The following SH3D19 variants were observed in gnomAD, a reference collection of about 807,000 sequenced individuals.
SH3D19 encodes SH3 domain containing 19, also known as SH3 domain-containing protein 19.
A neutral mutation model predicts 112.1 loss-of-function variants in SH3D19; 58 were observed. The observed-to-expected ratio is 0.52, with a 90% CI of 0.42 to 0.64. The LOEUF (loss-of-function observed/expected upper bound fraction) is 0.64. SH3D19 is among the 30% of genes least tolerant of loss of function. The probability of loss-of-function intolerance (pLI) is 0.00; values close to 1 mark genes in which losing one functional copy is unlikely to be tolerated. For synonymous variants in SH3D19, 391 were observed against 448.5 expected, an observed-to-expected ratio of 0.87 and a Z score of 1.62; for missense variants, 1,090 against 1,263.4, an observed-to-expected ratio of 0.86 and a Z score of 2.08.
At chr4:151,290,110 A>AT (rs1224028225) in intron 1 of SH3D19, among the ~76,000 whole-genome samples, 2 of 152,056 alleles carry the variant, frequency 1.3e-5, no homozygotes, top group South Asian at 2.1e-4. Flanking sequence ...CATAGCAGCT[A>AT]TTTACTTATT....
intron 11 of SH3D19, among the ~76,000 whole-genome samples, chr4:151,147,481 T>G (rs1754135006): frequency 6.6e-6 from 1 of 152,128 alleles, no homozygotes; most frequent in Non-Finnish European, 1.5e-5. Context: ...TTGTTTGCTT[T>G]GAGACAGTCT....
At chr4:151,218,626 C>T (rs1467107953) in intron 2 of SH3D19, among the ~76,000 whole-genome samples, 1 of 152,154 alleles carries the variant, frequency 6.6e-6, no homozygotes, top group East Asian at 1.9e-4. Context: ...AATCCTATCT[C>T]TTAGCTTAAG....
rs1298612721 is a variant in SH3D19 at position 151,128,253 on chromosome 4, TC to T, written c.2845del (p.Glu949AsnfsTer24). On this transcript the variant is annotated frameshift_variant, in exon 18 of 20. Coordinates refer to ENST00000604030, the MANE Select transcript of SH3D19 (RefSeq NM_001378122.1). LOFTEE classifies it high-confidence loss of function. ...FKRGDRIQILERLDSDWCRGR... is the reference protein window; with the variant it reads ...FKRGDRIQILXRLDSDWCRGR... ...CCTGCACCAGTCAGAATCCAGACGT[TC>T]CAGAATCTGGATCCGGTCTCCCCTC... 1 of 1,614,070 alleles carries T rather than the reference TC, an allele frequency of 6.2e-7. No homozygotes were observed. The highest frequency in any genetic ancestry group is 8.5e-7 in the Non-Finnish European group (1 of 1,180,030).
intron 1 of SH3D19, among the ~76,000 whole-genome samples, chr4:151,305,489 A>T (rs1360770371): frequency 6.6e-6 from 1 of 152,244 alleles, no homozygotes; most frequent in East Asian, 1.9e-4. Flanking sequence ...CCCAATTTTT[A>T]AATGTGCAAA....
intron 17 of SH3D19, among the ~76,000 whole-genome samples, chr4:151,131,913 C>T (rs1231896011): frequency 1.3e-5 from 2 of 152,134 alleles, no homozygotes; most frequent in Non-Finnish European, 2.9e-5. Flanking sequence ...CAACCTCCAC[C>T]GCCAGGTTCA....
At chr4:151,311,098 G>A (rs905019728) in intron 1 of SH3D19, among the ~76,000 whole-genome samples, 36 of 148,088 alleles carry the variant, frequency 2.4e-4, no homozygotes, top group African/African-American at 9.3e-4. Context: ...ATCTCTTTGA[G>A]ATAGGGAGAT....
At position 151,149,753 on chromosome 4, in the gene SH3D19, C is replaced by A. The variant is rs372051461; in HGVS notation, c.1756-192G>T. 3.3e-5 allele frequency among the ~76,000 whole-genome samples: 5 copies of A among 152,242 alleles called. No homozygotes were observed. In the East Asian group the frequency reaches 9.7e-4, roughly 29 times the overall value. ...GCCTAAATTATTCATGTCCTAATAA[C>A]AAGTGAAAACACTGACAGGAAGAAA... On this transcript the variant is annotated intron_variant, in intron 9 of 19. Transcript: ENST00000604030.
At chr4:151,234,905 G>A (rs374963867) in intron 1 of SH3D19, among the ~76,000 whole-genome samples, 46 of 151,530 alleles carry the variant, frequency 3.0e-4, no homozygotes, top group African/African-American at 1.0e-3. Flanking sequence ...CATCACACCC[G>A]GGTAATTAAA....
At chr4:151,261,209 T>TA (rs1406490308) in intron 1 of SH3D19, 1 of 152,224 alleles carries the variant, frequency 6.6e-6, no homozygotes, top group African/African-American at 2.4e-5. Context: ...TGGGCTCTGC[T>TA]ATGATGACCC....
chr4:151,317,273 C>T (rs560848100), intron 1 of SH3D19, among the ~76,000 whole-genome samples: 39 of 152,342 alleles, frequency 2.6e-4, no homozygotes, highest in African/African-American at 9.1e-4. Flanking sequence ...TTTTTCTGCT[C>T]ATCTCCTAAT....
At chr4:151,302,611 T>G (rs1265690053) in intron 1 of SH3D19, among the ~76,000 whole-genome samples, 1 of 152,154 alleles carries the variant, frequency 6.6e-6, no homozygotes, top group East Asian at 1.9e-4. Flanking sequence ...ACTCTGCAGA[T>G]GTAGGAAAAA....
At chr4:151,250,413 T>C (rs568329748) in intron 1 of SH3D19, among the ~76,000 whole-genome samples, 2 of 152,138 alleles carry the variant, frequency 1.3e-5, no homozygotes, top group South Asian at 2.1e-4. Flanking sequence ...GTGATGAAAA[T>C]ATATACATAT....
intron 17 of SH3D19, among the ~76,000 whole-genome samples, chr4:151,130,966 G>A (rs986210349): frequency 5.9e-5 from 9 of 151,262 alleles, no homozygotes; most frequent in African/African-American, 2.2e-4. Context: ...AAAAAGAAGT[G>A]GGGGAAAAAA....
At chr4:151,323,079 A>C (rs375122929) in intron 1 of SH3D19, among the ~76,000 whole-genome samples, 70 of 152,306 alleles carry the variant, frequency 4.6e-4, no homozygotes, top group African/African-American at 1.6e-3. Context: ...AAGAGTTTTT[A>C]CTTTATAATT....
intron 1 of SH3D19, among the ~76,000 whole-genome samples, chr4:151,244,346 T>C (rs1770779375): frequency 6.6e-6 from 1 of 152,204 alleles, no homozygotes; most frequent in Non-Finnish European, 1.5e-5. Context: ...AGAGAAATTG[T>C]TCAAATGTTG....
intron 2 of SH3D19, among the ~76,000 whole-genome samples, chr4:151,198,385 T>C (rs4997910): frequency 7.2e-4 from 52 of 72,360 alleles, no homozygotes; most frequent in African/African-American, 1.7e-3. Context: ...AATTATATAA[T>C]ATATAATATA....
At position 151,184,938 on chromosome 4, in the gene SH3D19, C is replaced by A. The variant is rs529986245; in HGVS notation, c.193+2485G>T. Among the ~76,000 whole-genome samples, 3 of 151,954 alleles carry A rather than the reference C, an allele frequency of 2.0e-5. No homozygotes were observed. The East Asian group carries it at 5.8e-4, about 29-fold the overall frequency. ...AGTGCCAGACACAATAACCTGTTCT[C>A]AGCACCTTTTGCTTGGCCTGGTTTA... is the stretch of plus-strand genomic sequence containing the variant. On this transcript the variant is annotated intron_variant, in intron 3 of 19. Transcript: ENST00000604030.
At chr4:151,212,068 A>G (rs1014892735) in intron 2 of SH3D19, among the ~76,000 whole-genome samples, 2 of 152,262 alleles carry the variant, frequency 1.3e-5, no homozygotes, top group Non-Finnish European at 2.9e-5. Flanking sequence ...GTCTGGCTTT[A>G]AAACTTCAAA....
intron 1 of SH3D19, among the ~76,000 whole-genome samples, chr4:151,303,091 G>A (rs1728607940): frequency 6.6e-6 from 1 of 152,198 alleles, no homozygotes; most frequent in Non-Finnish European, 1.5e-5. Flanking sequence ...TCACAAGATG[G>A]AGATGAAATA....
Sources: allele counts gnomAD v4.1 joint callset (sites outside exome capture counted in the v4.1 genomes callset), GRCh38; gene constraint gnomAD v4.1.1; transcripts MANE v1.5; gene names NCBI Gene and HGNC (gene_info 2026-07-23, HGNC 2026-07-21).